The following MSI1 variants were observed in gnomAD, a reference collection of about 807,000 sequenced individuals.
MSI1 encodes RNA-binding protein Musashi homolog 1.
MSI1 carries 15 observed loss-of-function variants against 54.4 expected under a neutral mutation model. The ratio of observed to expected loss-of-function variants is 0.28; its 90% CI spans 0.18 to 0.42. The LOEUF (loss-of-function observed/expected upper bound fraction) is 0.42, where lower values mean the gene tolerates loss of function less well. MSI1 is among the 20% of genes least tolerant of loss of function. The pLI is 1.00. For missense variants in MSI1, 304 were observed against 506.0 expected (o/e 0.60, Z 3.83); for synonymous variants, 200 against 196.5 (o/e 1.02, Z -0.15).
At chr12:120,347,554 G>A (rs754395301) in intron 11 of MSI1, 40 bp from the exon 12 acceptor site, 2 of 1,611,902 alleles carry the variant, frequency 1.2e-6, no homozygotes, top group Admixed American at 1.7e-5. Context: ...TGGCGGTGAG[G>A]GGCAGAGATG....
chr12:120,353,436 T>C (rs1874817583), intron 9 of MSI1, 57 bp from the exon 10 acceptor site: 4 of 1,520,486 alleles, frequency 2.6e-6, no homozygotes, highest in Non-Finnish European at 3.7e-6. Context: ...ATCCTGATCA[T>C]GGAGAAGGAC....
In MSI1 at chr12:120,356,923, T is replaced by C; in HGVS notation, c.631A>G (p.Met211Val). The change falls in exon 9 of 15, where the codon ATG (methionine) becomes GTG (valine). Residue 211 changes from methionine (M) to valine (V), a missense_variant. Around this residue, in one of 4 missense-constraint regions of MSI1, gnomAD observed 147 missense variants for 231.5 expected, o/e 0.64. Transcript: ENST00000257552. ...RVMPYGMDAF[M>V]LGIGMLGYPG... Reference sequence around the variant, plus strand: ...ATACCCAGCATGCCGATGCCCAGCATGAAGGCGTCCATTCCGTAGGGCATG... The same window carrying C: ...ATACCCAGCATGCCGATGCCCAGCACGAAGGCGTCCATTCCGTAGGGCATG... The C allele has an allele frequency of 1.2e-6, 2 of 1,614,150 alleles. No homozygotes were observed.
In MSI1 at chr12:120,359,066, C is replaced by A; in HGVS notation, c.403-13G>T. 1 of 1,553,836 alleles carries A rather than the reference C, an allele frequency of 6.4e-7. No homozygotes were observed. Among genetic ancestry groups the A allele is most frequent in the East Asian group, 2.4e-5 (1 of 41,304 alleles). Reference sequence around the variant, plus strand: ...TGGCGTCGTCCACCTGAAACACAGCCCGCCATGGAGGACCCAGCAGATACC... The same window carrying A: ...TGGCGTCGTCCACCTGAAACACAGCACGCCATGGAGGACCCAGCAGATACC... On this transcript the variant is annotated splice_polypyrimidine_tract_variant and intron_variant, in intron 6 of 14. Transcript: ENST00000257552.
At chr12:120,363,177 T>C in intron 5 of MSI1, 42 bp from the exon 6 acceptor site, 1 of 1,565,868 alleles carries the variant, frequency 6.4e-7, no homozygotes, top group Non-Finnish European at 8.8e-7. Context: ...CTGAGTCCTG[T>C]GGCCTACCGC....
intron 13 of MSI1, 35 bp downstream of exon 13, chr12:120,346,100 G>T: frequency 6.7e-7 from 1 of 1,487,482 alleles, no homozygotes; most frequent in Non-Finnish European, 9.0e-7. Flanking sequence ...AAGGTGTGGG[G>T]GGTGAGGTGG....
rs769474281 is a variant in MSI1, at chr12:120,345,630, G to A, written c.1050C>T (p.Gly350=). ...PSTGFGHSLG[G]PLIATAFTNG... Reference sequence around the variant, plus strand: ...TGGTGAAGGCTGTGGCAATCAAAGGGCCCTGAAAAGGAAAGAATTTGACTC... The same window carrying A: ...TGGTGAAGGCTGTGGCAATCAAAGGACCCTGAAAAGGAAAGAATTTGACTC... The change falls in exon 14 of 15, where the codon GGC becomes GGT. Residue 350 remains glycine (G), a splice_region_variant and synonymous_variant. Coordinates refer to ENST00000257552, the MANE Select transcript of MSI1 (RefSeq NM_002442.4). 1.2e-6 allele frequency: 2 copies of A among 1,613,968 alleles called. No homozygotes were observed. The highest frequency in any genetic ancestry group is 4.5e-5 in the East Asian group (2 of 44,874).
At chr12:120,346,108 TG>T in intron 13 of MSI1, 26 bp downstream of exon 13, 1 of 1,499,610 alleles carries the variant, frequency 6.7e-7, no homozygotes, top group Non-Finnish European at 8.9e-7. Context: ...GGGGGTGAGG[TG>T]GGGGCCGCTA....
At chr12:120,358,420 A>G (rs866848133) in intron 7 of MSI1, among the ~76,000 whole-genome samples, 1 of 152,130 alleles carries the variant, frequency 6.6e-6, no homozygotes, top group South Asian at 2.1e-4. Context: ...AAATACACAC[A>G]CACACAGAAC....
intron 12 of MSI1, 77 bp from the exon 13 acceptor site, chr12:120,346,399 C>A: frequency 1.5e-6 from 2 of 1,353,122 alleles, no homozygotes. Context: ...GCCTGTCCCA[C>A]CCACCCTAAC....
chr12:120,345,383 A>G (rs1565882088), intron 14 of MSI1, among the ~76,000 whole-genome samples, 187 bp downstream of exon 14: 1 of 152,066 alleles, frequency 6.6e-6, no homozygotes, highest in African/African-American at 2.4e-5. Flanking sequence ...TGTTGCTTTG[A>G]TTTCTGTGTT....
In MSI1 at chr12:120,367,918, C is replaced by T; in HGVS notation, c.267+90G>A. 12 of 1,317,670 alleles carry T rather than the reference C, an allele frequency of 9.1e-6. No individual in the cohort carries two copies. The South Asian group carries it at 1.4e-4, about 16-fold the overall frequency. The allele number at this position is 1,317,670 out of a possible 1,614,324, so 81.6% of individuals were successfully genotyped here. A position where few individuals can be genotyped will look rare whatever the true frequency, so the allele number is the denominator to read the frequency against. ...AAACTCCCTCCTTCCTCATGGACCC[C>T]GTCCAGCTGTCCCCTGGGGAGAGTC... On this transcript the variant is annotated intron_variant, in intron 4 of 14. Transcript: ENST00000257552.
intron 7 of MSI1, among the ~76,000 whole-genome samples, 169 bp downstream of exon 7, chr12:120,358,836 T>C (rs1875377562): frequency 6.6e-6 from 1 of 152,084 alleles, no homozygotes; most frequent in Non-Finnish European, 1.5e-5. Flanking sequence ...GGCAAGTTTC[T>C]AGCACAGGAA....
intron 13 of MSI1, 104 bp from the exon 14 acceptor site, chr12:120,345,736 C>A: frequency 2.1e-6 from 3 of 1,396,438 alleles, no homozygotes; most frequent in Non-Finnish European, 3.0e-6. Flanking sequence ...TGACCTCTCT[C>A]TACCTGTCCG....
At chr12:120,355,161 T>G (rs1281338604) in intron 9 of MSI1, among the ~76,000 whole-genome samples, 1 of 151,492 alleles carries the variant, frequency 6.6e-6, no homozygotes, top group East Asian at 1.9e-4. Flanking sequence ...ATCCCAGCAC[T>G]TTGGGAGGCT....
chr12:120,366,891 C>T (rs61945847), intron 4 of MSI1, among the ~76,000 whole-genome samples: 2,483 of 152,272 alleles, frequency 0.016, 39 homozygotes, highest in Non-Finnish European at 0.026. Context: ...TCAGTGCATT[C>T]TGAGGACAGG....
intron 8 of MSI1, among the ~76,000 whole-genome samples, chr12:120,357,225 T>C (rs1371051701): frequency 1.3e-5 from 2 of 151,940 alleles, no homozygotes; most frequent in African/African-American, 4.9e-5. Context: ...CTTACACCAA[T>C]ACTACCAATA....
chr12:120,352,531 T>C (rs1037414246), intron 10 of MSI1, among the ~76,000 whole-genome samples: 2 of 151,388 alleles, frequency 1.3e-5, no homozygotes, highest in African/African-American at 4.9e-5. Context: ...TATGTCCTCA[T>C]CTCTAAAATG....
chr12:120,347,475 G>A lies in MSI1; in HGVS notation c.830C>T (p.Ala277Val), dbSNP rs201958582. Residue 277 changes from alanine to valine, a missense_variant, in exon 12 of 15, where the codon GCG (alanine) becomes GTG (valine). Ala to Val is a moderately conservative substitution (Grantham distance 64). Coordinates refer to ENST00000257552, the MANE Select transcript of MSI1 (RefSeq NM_002442.4). ...LTAYGPMAAAAAAAAVVRGTG... is the reference protein window; with the variant it reads ...LTAYGPMAAAVAAAAVVRGTG... ...CCCTCGAACCACAGCCGCTGCCGCC[G>A]CTGCCGCCGCCATTGGTCCGTAGGC... The A allele has an allele frequency of 1.8e-5, 29 of 1,613,824 alleles. No homozygotes were observed. In the Admixed American group the frequency reaches 2.8e-4, roughly 16 times the overall value.
intron 9 of MSI1, 37 bp from the exon 10 acceptor site, chr12:120,353,416 C>G (rs1874815103): frequency 6.3e-7 from 1 of 1,587,470 alleles, no homozygotes; most frequent in Non-Finnish European, 8.7e-7. Context: ...ATGGCTCATC[C>G]ACAGGGCGGA....
Sources: allele counts gnomAD v4.1 joint callset (sites outside exome capture counted in the v4.1 genomes callset), GRCh38; gene constraint gnomAD v4.1.1; regional missense constraint gnomAD v4.1.1; transcripts MANE v1.5; gene names NCBI Gene and HGNC (gene_info 2026-07-23, HGNC 2026-07-21).